The following KIAA1671 variants were observed in gnomAD, a reference collection of about 807,000 sequenced individuals.
KIAA1671 encodes KIAA1671, also known as uncharacterized protein KIAA1671.
KIAA1671 carries 52 observed loss-of-function variants against 131.2 expected under a neutral mutation model. The observed-to-expected ratio is 0.40, with a 90% CI of 0.32 to 0.50. The LOEUF is 0.50. KIAA1671 is among the 20% of genes least tolerant of loss of function. The pLI is 0.73. For synonymous variants in KIAA1671, 1,003 were observed against 961.6 expected (o/e 1.04, Z -0.80); for missense variants, 2,360 against 2,364.2 (o/e 1.00, Z 0.04).
chr22:25,166,358 A>G (rs1933645456), intron 6 of KIAA1671, among the ~76,000 whole-genome samples: 2 of 152,134 alleles, frequency 1.3e-5, no homozygotes, highest in Admixed American at 1.3e-4. Flanking sequence ...GGGAGGGCAC[A>G]CAGATGGTTG....
intron 1 of KIAA1671, among the ~76,000 whole-genome samples, chr22:25,003,912 G>A (rs530973411): frequency 1.3e-4 from 20 of 151,358 alleles, no homozygotes; most frequent in African/African-American, 4.6e-4. Context: ...CTGCCTCCTG[G>A]GTTCAAGCAG....
intron 6 of KIAA1671, among the ~76,000 whole-genome samples, chr22:25,118,598 C>A (rs1931790809): frequency 6.6e-6 from 1 of 152,104 alleles, no homozygotes; most frequent in Non-Finnish European, 1.5e-5. Context: ...GCCAACGTAT[C>A]TTTTTAGGGG....
chr22:25,030,649 T>C (rs2145790902), intron 3 of KIAA1671, among the ~76,000 whole-genome samples: 1 of 152,346 alleles, frequency 6.6e-6, no homozygotes, highest in Admixed American at 6.5e-5. Flanking sequence ...AATAATGATA[T>C]TCTAAGTCAG....
intron 6 of KIAA1671, among the ~76,000 whole-genome samples, chr22:25,116,377 C>T (rs943888873): frequency 8.7e-5 from 13 of 149,490 alleles, no homozygotes; most frequent in African/African-American, 3.2e-4. Context: ...CCCACCCCCT[C>T]CACCAGTATG....
chr22:25,087,350 C>T (rs7289719), intron 6 of KIAA1671, among the ~76,000 whole-genome samples: 22,757 of 151,954 alleles, frequency 0.15, 1,715 homozygotes, highest in South Asian at 0.21. Flanking sequence ...TTCGGGAGGC[C>T]GAGGTGGTGG....
At chr22:24,986,103 C>T (rs1923516553) in intron 1 of KIAA1671, among the ~76,000 whole-genome samples, 1 of 152,186 alleles carries the variant, frequency 6.6e-6, no homozygotes. Flanking sequence ...AGATGAATCA[C>T]GTCCTCTCTT....
chr22:25,144,005 T>A (rs1017559591), intron 6 of KIAA1671, among the ~76,000 whole-genome samples: 33 of 151,416 alleles, frequency 2.2e-4, no homozygotes, highest in Admixed American at 2.1e-3. Flanking sequence ...ATCCCATCTG[T>A]ATAAAAAAAA....
chr22:25,157,718 C>T lies in KIAA1671; in HGVS notation c.4531-13102C>T, dbSNP rs1041048455. On this transcript the variant is annotated intron_variant, in intron 6 of 12. Transcript: ENST00000358431. ...TGATTATTTTGGGCATTTTTCTTCTCCCTCAGGATCAGTCTCTCCTATTTT... is the reference window on the plus strand; with the variant it reads ...TGATTATTTTGGGCATTTTTCTTCTTCCTCAGGATCAGTCTCTCCTATTTT... Among the ~76,000 whole-genome samples, 4 of 152,254 alleles carry T rather than the reference C, an allele frequency of 2.6e-5. No homozygotes were observed. The East Asian group carries it at 5.8e-4, about 22-fold the overall frequency.
intron 1 of KIAA1671, among the ~76,000 whole-genome samples, chr22:24,994,330 T>C (rs1454717808): frequency 6.6e-6 from 1 of 152,074 alleles, no homozygotes; most frequent in Non-Finnish European, 1.5e-5. Context: ...AGCAGTTTAT[T>C]TGGGTGGCAG....
At chr22:25,033,648 G>C (rs371702201) in intron 4 of KIAA1671, among the ~76,000 whole-genome samples, 6 of 124,282 alleles carry the variant, frequency 4.8e-5, no homozygotes, top group Admixed American at 2.9e-4. Flanking sequence ...ATGTGATCTC[G>C]GCTCGCTGCA....
chr22:25,166,438 A>G (rs1367995305), intron 6 of KIAA1671, among the ~76,000 whole-genome samples: 1 of 152,118 alleles, frequency 6.6e-6, no homozygotes. Flanking sequence ...GAGGTCTGGA[A>G]ACTGCCCCCC....
At chr22:24,978,889 C>G (rs1157592741) in intron 1 of KIAA1671, among the ~76,000 whole-genome samples, 1 of 151,890 alleles carries the variant, frequency 6.6e-6, no homozygotes. Context: ...TTCACCATGT[C>G]GGCCAGGCTG....
chr22:25,101,244 G>C (rs1266078480), intron 6 of KIAA1671, among the ~76,000 whole-genome samples: 1 of 152,210 alleles, frequency 6.6e-6, no homozygotes, highest in Non-Finnish European at 1.5e-5. Context: ...GGGGAATTAG[G>C]TGGGGGCCTG....
rs1360943727 is a variant in KIAA1671 at position 25,002,842 on chromosome 22, C to G, written c.-207-22791C>G. On this transcript the variant is annotated intron_variant, in intron 1 of 12. Transcript: ENST00000358431. ...TTACCCAGGCTGGAGTGCAGTGATG[C>G]AATCTCAGCTAGGTGCAACTGCCTC... Among the ~76,000 whole-genome samples the G allele has an allele frequency of 2.0e-5, 3 of 151,830 alleles. No homozygotes were observed. The East Asian group carries it at 5.8e-4, about 29-fold the overall frequency.
chr22:25,039,828 C>T lies in KIAA1671; in HGVS notation c.2698C>T (p.Arg900Ter), dbSNP rs1302619182. ...GAATGGGCCTTCTGACTCCCAAGCA[C>T]GAACACATCCAGATGCATTTGCTGT... ...ATNGPSDSQA[R>*]THPDAFAVQK... is the part of the protein sequence containing the mutation. The change falls in exon 5 of 13, where the codon CGA (arginine) becomes TGA (stop). Residue 900 changes from arginine to a stop codon, truncating the protein, a stop_gained. Coordinates refer to ENST00000358431, the MANE Select transcript of KIAA1671 (RefSeq NM_001145206.2). LOFTEE classifies it high-confidence loss of function. 2 of 1,539,552 alleles carry T rather than the reference C, an allele frequency of 1.3e-6. No homozygotes were observed. The highest frequency in any genetic ancestry group is 1.8e-6 in the Non-Finnish European group (2 of 1,139,412).
chr22:25,129,062 C>G lies in KIAA1671; in HGVS notation c.4531-41758C>G, dbSNP rs577871865. 2.6e-5 allele frequency among the ~76,000 whole-genome samples: 4 copies of G among 152,132 alleles called. No individual in the cohort carries two copies. The South Asian group carries it at 8.3e-4, about 32-fold the overall frequency. Reference sequence around the variant, plus strand: ...CTGGGTGCAGAGGCTGGGGTTCTCCCTGCTGTCTGTGCTCTGTCAGTCCTT... The same window carrying G: ...CTGGGTGCAGAGGCTGGGGTTCTCCGTGCTGTCTGTGCTCTGTCAGTCCTT... On this transcript the variant is annotated intron_variant, in intron 6 of 12. Coordinates refer to ENST00000358431, the MANE Select transcript of KIAA1671 (RefSeq NM_001145206.2).
intron 6 of KIAA1671, among the ~76,000 whole-genome samples, chr22:25,133,721 T>A (rs1932552666): frequency 6.6e-6 from 1 of 152,120 alleles, no homozygotes; most frequent in Non-Finnish European, 1.5e-5. Context: ...TAAAAAATTT[T>A]TTTTCTTGTA....
At chr22:24,978,974 C>T (rs1923064526) in intron 1 of KIAA1671, among the ~76,000 whole-genome samples, 1 of 151,178 alleles carries the variant, frequency 6.6e-6, no homozygotes, top group Admixed American at 6.6e-5. Context: ...CATGAGCCAC[C>T]ACACCCAGCC....
At chr22:25,030,685 G>A (rs1277815561) in intron 3 of KIAA1671, among the ~76,000 whole-genome samples, 8 of 152,154 alleles carry the variant, frequency 5.3e-5, no homozygotes, top group African/African-American at 9.7e-5. Flanking sequence ...ATTCTAAGTC[G>A]GTTGGTTAAT....
Sources: allele counts gnomAD v4.1 joint callset (sites outside exome capture counted in the v4.1 genomes callset), GRCh38; gene constraint gnomAD v4.1.1; transcripts MANE v1.5; gene names NCBI Gene and HGNC (gene_info 2026-07-23, HGNC 2026-07-21).